The following NPAS3 variants were observed in gnomAD, a reference collection of about 807,000 sequenced individuals.
NPAS3 encodes neuronal PAS domain-containing protein 3.
NPAS3 carries 14 observed loss-of-function variants against 73.1 expected under a neutral mutation model. The observed-to-expected ratio is 0.19, with a 90% confidence interval of 0.13 to 0.30. The LOEUF (loss-of-function observed/expected upper bound fraction) is 0.30. NPAS3 is among the 10% of genes least tolerant of loss of function. The pLI, the probability that NPAS3 is intolerant of heterozygous loss-of-function variation, is 1.00. For synonymous variants in NPAS3, 620 were observed against 541.5 expected, an observed-to-expected ratio of 1.14 and a Z score of -2.01; for missense variants, 1,096 against 1,250.0, an observed-to-expected ratio of 0.88 and a Z score of 1.86.
chr14:33,441,333 G>A (rs753612207), intron 4 of NPAS3, among the ~76,000 whole-genome samples: 3 of 151,956 alleles, frequency 2.0e-5, no homozygotes, highest in South Asian at 2.1e-4. Context: ...TTATCCAAAC[G>A]TTTTAGTCAA....
At chr14:33,186,009 T>G (rs540555512) in intron 2 of NPAS3, among the ~76,000 whole-genome samples, 1 of 152,304 alleles carries the variant, frequency 6.6e-6, no homozygotes, top group South Asian at 2.1e-4. Flanking sequence ...TGAGAAATGC[T>G]TGGGTCTCAG....
chr14:33,183,054 A>G lies in NPAS3; in HGVS notation c.141-32128A>G, dbSNP rs546197280. Among the ~76,000 whole-genome samples, 7 of 152,244 alleles carry G rather than the reference A, an allele frequency of 4.6e-5. No homozygotes were observed. The South Asian group carries it at 1.5e-3, about 32-fold the overall frequency. Reference sequence around the variant, plus strand: ...ACTCTTGTCACGCCTTTCTTTGGGTATCCTTCCACCTTCCTTTAAGTTGCC... The same window carrying G: ...ACTCTTGTCACGCCTTTCTTTGGGTGTCCTTCCACCTTCCTTTAAGTTGCC... On this transcript the variant is annotated intron_variant, in intron 2 of 11. Transcript: ENST00000356141.
intron 3 of NPAS3, among the ~76,000 whole-genome samples, chr14:33,318,276 A>C (rs533572459): frequency 6.6e-6 from 1 of 152,116 alleles, no homozygotes; most frequent in Non-Finnish European, 1.5e-5. Context: ...TTGTCTGTAT[A>C]AGGGACTTAG....
chr14:33,170,576 G>T (rs897167184), intron 2 of NPAS3, among the ~76,000 whole-genome samples: 1 of 152,240 alleles, frequency 6.6e-6, no homozygotes, highest in Non-Finnish European at 1.5e-5. Flanking sequence ...TATCAAAATT[G>T]TAGGCAATCC....
intron 6 of NPAS3, among the ~76,000 whole-genome samples, chr14:33,696,654 G>T (rs932254103): frequency 1.3e-5 from 2 of 152,134 alleles, no homozygotes; most frequent in Non-Finnish European, 2.9e-5. Flanking sequence ...TAGATTATCC[G>T]ATGAAATTCA....
At chr14:33,153,864 A>G (rs574158955) in intron 2 of NPAS3, among the ~76,000 whole-genome samples, 1 of 152,202 alleles carries the variant, frequency 6.6e-6, no homozygotes, top group African/African-American at 2.4e-5. Context: ...CATTGCTGCT[A>G]AATAAATTGC....
chr14:33,087,835 A>G (rs2042088393), intron 2 of NPAS3, among the ~76,000 whole-genome samples: 1 of 152,188 alleles, frequency 6.6e-6, no homozygotes, highest in Non-Finnish European at 1.5e-5. Context: ...GTAAGAGTAT[A>G]TTTTAATACA....
At chr14:33,475,280 A>G (rs1419678285) in intron 4 of NPAS3, among the ~76,000 whole-genome samples, 1 of 152,186 alleles carries the variant, frequency 6.6e-6, no homozygotes, top group Non-Finnish European at 1.5e-5. Context: ...ATGGCATGGA[A>G]TATATAAAAG....
At chr14:33,424,598 A>G (rs577968048) in intron 4 of NPAS3, among the ~76,000 whole-genome samples, 6 of 152,128 alleles carry the variant, frequency 3.9e-5, no homozygotes, top group South Asian at 2.1e-4. Context: ...TTAGAAATAT[A>G]ATTTATGACT....
intron 4 of NPAS3, among the ~76,000 whole-genome samples, chr14:33,548,376 G>A (rs184807222): frequency 2.0e-5 from 3 of 152,138 alleles, no homozygotes; most frequent in Non-Finnish European, 2.9e-5. Context: ...AAAAGAGTGG[G>A]TAAATAATCA....
At chr14:33,657,833 G>A (rs2059190935) in intron 5 of NPAS3, among the ~76,000 whole-genome samples, 1 of 152,104 alleles carries the variant, frequency 6.6e-6, no homozygotes, top group Non-Finnish European at 1.5e-5. Flanking sequence ...GTGGGAGTGG[G>A]GTGCGTTGCA....
At chr14:33,601,926 A>T (rs1042642078) in intron 5 of NPAS3, among the ~76,000 whole-genome samples, 2 of 152,200 alleles carry the variant, frequency 1.3e-5, no homozygotes, top group African/African-American at 4.8e-5. Context: ...GATATTATTT[A>T]AAAACTGATT....
chr14:33,711,469 G>T (rs928958583), intron 6 of NPAS3, among the ~76,000 whole-genome samples: 7 of 152,254 alleles, frequency 4.6e-5, no homozygotes, highest in African/African-American at 1.7e-4. Context: ...CCAAATAAAC[G>T]TAGATAGAAT....
chr14:33,179,187 G>T (rs1187485646), intron 2 of NPAS3, among the ~76,000 whole-genome samples: 2 of 152,078 alleles, frequency 1.3e-5, no homozygotes, highest in Non-Finnish European at 2.9e-5. Context: ...TGATGTTGGA[G>T]TTGGTTTGCT....
At chr14:33,395,110 C>T (rs546616673) in intron 4 of NPAS3, among the ~76,000 whole-genome samples, 1 of 152,174 alleles carries the variant, frequency 6.6e-6, no homozygotes, top group South Asian at 2.1e-4. Context: ...GCGAGGATCT[C>T]TTGAAAGATA....
At chr14:33,709,455 C>T (rs2060755614) in intron 6 of NPAS3, among the ~76,000 whole-genome samples, 1 of 152,170 alleles carries the variant, frequency 6.6e-6, no homozygotes, top group South Asian at 2.1e-4. Flanking sequence ...ACAGAGCCTA[C>T]CCTCTGAATA....
At chr14:33,559,794 G>A (rs2055547219) in intron 4 of NPAS3, among the ~76,000 whole-genome samples, 1 of 152,182 alleles carries the variant, frequency 6.6e-6, no homozygotes, top group Admixed American at 6.5e-5. Flanking sequence ...TGAGGCAGGT[G>A]GATCACCTGA....
intron 1 of NPAS3, among the ~76,000 whole-genome samples, chr14:33,012,041 G>A (rs1164736680): frequency 6.6e-6 from 1 of 151,450 alleles, no homozygotes; most frequent in East Asian, 2.0e-4. Context: ...ACAACAGATG[G>A]AAGTGGTGCT....
chr14:33,147,730 A>AAAAATATAT (rs372663411), intron 2 of NPAS3, among the ~76,000 whole-genome samples: 1 of 130,388 alleles, frequency 7.7e-6, no homozygotes, highest in African/African-American at 3.2e-5. Context: ...TAGAATAAAA[A>AAAAATATAT]ATATATATAT....
Sources: gnomAD v4.1 joint callset for allele counts (sites outside exome capture counted in the v4.1 genomes callset) on GRCh38, gnomAD v4.1.1 for gene constraint, MANE v1.5 for transcripts, NCBI Gene and HGNC (gene_info 2026-07-23, HGNC 2026-07-21) for gene names.